CHD5: variants seen among roughly 807,000 people sequenced by gnomAD.
CHD5 encodes the protein chromodomain helicase DNA binding protein 5.
A neutral mutation model predicts 230.3 loss-of-function variants in CHD5; 69 were observed. The ratio of observed to expected loss-of-function variants is 0.30; its 90% CI spans 0.25 to 0.37. The LOEUF is 0.37. Ranked by LOEUF, CHD5 falls within the 10% of genes least tolerant of loss-of-function variation. CHD5 has a pLI of 1.00. For synonymous variants in CHD5, 1,064 were observed against 1,065.9 expected (o/e 1.00, Z 0.03); for missense variants, 1,827 against 2,622.8 (o/e 0.70, Z 6.63).
intron 9 of CHD5, among the ~76,000 whole-genome samples, chr1:6,148,191 G>A (rs1277330832): frequency 1.3e-5 from 2 of 152,184 alleles, no homozygotes; most frequent in African/African-American, 4.8e-5. Context: ...GAGGGGTGGA[G>A]GATCTGGCAC....
intron 15 of CHD5, among the ~76,000 whole-genome samples, chr1:6,141,812 A>G (rs1213071980): frequency 1.3e-5 from 2 of 152,156 alleles, no homozygotes; most frequent in Non-Finnish European, 2.9e-5. Flanking sequence ...GGCTGGAAGG[A>G]GGAAGGAAGG....
chr1:6,151,790 A>AC (rs34938724), intron 6 of CHD5, among the ~76,000 whole-genome samples: 62,259 of 151,768 alleles, frequency 0.41, 14,917 homozygotes, highest in East Asian at 0.67. Context: ...TTCCAACTCC[A>AC]CCCACCGCAG....
In CHD5 at chr1:6,126,567, C is replaced by T. The variant is rs1666562223; in HGVS notation, c.4078+5G>A. On this transcript the variant is annotated splice_donor_5th_base_variant and intron_variant, in intron 26 of 41. Coordinates refer to ENST00000262450, the MANE Select transcript of CHD5 (RefSeq NM_015557.3). The surrounding 1 kb of genome is among the most constrained non-coding windows in gnomAD (Gnocchi z 5.7). ...GGGCACCAGTCCCTCCCTCCCGGCA[C>T]GCACCCTGGTCCTCCTGGGAGGCAT... is the stretch of plus-strand genomic sequence containing the variant. The T allele has an allele frequency of 6.2e-7, 1 of 1,612,344 alleles. No individual in the cohort carries two copies. Among genetic ancestry groups the T allele is most frequent in the Non-Finnish European group, 8.5e-7 (1 of 1,179,974 alleles).
chr1:6,162,738 G>T (rs145388416), intron 2 of CHD5, among the ~76,000 whole-genome samples: 2 of 152,220 alleles, frequency 1.3e-5, no homozygotes, highest in African/African-American at 4.8e-5. Context: ...AGCTGGAGGG[G>T]ACACACCAAG....
intron 7 of CHD5, among the ~76,000 whole-genome samples, chr1:6,150,467 C>A (rs11804734): frequency 1.3e-5 from 1 of 77,298 alleles, no homozygotes; most frequent in Non-Finnish European, 2.7e-5. Flanking sequence ...GATGGATGGA[C>A]GGACGGACGG....
rs746309035 is a variant in CHD5, at chr1:6,149,322, G to A, written c.1085C>T (p.Pro362Leu). The stretch of plus-strand genomic sequence containing the variant: ...CAGGCATACGAGATGGTAGGCCCTC[G>A]GGCAGGTGTCGCACAGGATGATCTC... ...GGEIILCDTC[P>L]RAYHLVCLDP... is the part of the protein sequence containing the mutation. The change falls in exon 8 of 42, where the codon CCG becomes CTG. Residue 362 changes from proline to leucine, a missense_variant. Coordinates refer to ENST00000262450, the MANE Select transcript of CHD5 (RefSeq NM_015557.3). The A allele has an allele frequency of 3.1e-6, 5 of 1,612,870 alleles. No individual in the cohort carries two copies. The highest frequency in any genetic ancestry group is 1.3e-5 in the African/African-American group (1 of 74,636).
intron 38 of CHD5, among the ~76,000 whole-genome samples, chr1:6,107,845 G>A (rs1666217799): frequency 7.0e-6 from 1 of 142,294 alleles, no homozygotes; most frequent in Admixed American, 6.9e-5. Flanking sequence ...GAAGGATAAT[G>A]GAGAGATGGA....
In CHD5 at chr1:6,128,432, C is replaced by CCAGG. The variant is rs1666598259; in HGVS notation, c.3730+66_3730+67insCCTG. Reference sequence around the variant, plus strand: ...GCCCAAGTGAGGGCAGGTCAGGGAACCCCTCCTCTGCAGGAGCAGCCACCT... The same window carrying CCAGG: ...GCCCAAGTGAGGGCAGGTCAGGGAACCAGGCCCTCCTCTGCAGGAGCAGCCACCT... On this transcript the variant is annotated intron_variant, in intron 24 of 41. Transcript: ENST00000262450. This position sits in a 1 kb window ranked among gnomAD's most constrained non-coding sequence, Gnocchi z 7.8. 1 of 1,369,268 alleles carries CCAGG rather than the reference C, an allele frequency of 7.3e-7. No homozygotes were observed. Among genetic ancestry groups the CCAGG allele is most frequent in the Non-Finnish European group, 1.0e-6 (1 of 968,382 alleles). The allele number at this position is 1,369,268 out of a possible 1,614,324, so 84.8% of individuals were successfully genotyped here. A position where few individuals can be genotyped will look rare whatever the true frequency, so the allele number is the denominator to read the frequency against.
chr1:6,164,402 A>G (rs894676669), intron 2 of CHD5, among the ~76,000 whole-genome samples: 4 of 152,224 alleles, frequency 2.6e-5, no homozygotes, highest in Admixed American at 6.5e-5. Context: ...TACAGGTTGA[A>G]ATCATTTCTC....
Position 6,146,091 on chromosome 1 carries a change from T to G in CHD5, c.1802+121A>C. ...TGCCCCTGCTGTGCCCACATGTGGT[T>G]CTGCACGGCAGCCCCAAAGCAAGGG... On this transcript the variant is annotated intron_variant, in intron 11 of 41. Transcript: ENST00000262450. This position sits in a 1 kb window ranked among gnomAD's most constrained non-coding sequence, Gnocchi z 5.1. 1.1e-6 allele frequency: 1 copy of G among 924,138 alleles called. No individual in the cohort carries two copies. The highest frequency in any genetic ancestry group is 2.2e-5 in the Admixed American group (1 of 44,802). 57.2% of individuals were successfully genotyped at this position (924,138 alleles called of 1,614,324 possible).
intron 1 of CHD5, among the ~76,000 whole-genome samples, chr1:6,171,514 C>A (rs376777873): frequency 6.6e-6 from 1 of 151,774 alleles, no homozygotes; most frequent in East Asian, 1.9e-4. Context: ...ACTGCCCCCC[C>A]CAACACCTCA....
At chr1:6,140,985 T>C (rs887066071) in intron 15 of CHD5, among the ~76,000 whole-genome samples, 7 of 146,098 alleles carry the variant, frequency 4.8e-5, no homozygotes, top group African/African-American at 1.8e-4. Flanking sequence ...ATAATAATAA[T>C]AATAATAATA....
chr1:6,174,112 T>G (rs1571176171), intron 1 of CHD5, among the ~76,000 whole-genome samples: 2 of 143,596 alleles, frequency 1.4e-5, no homozygotes, highest in East Asian at 2.1e-4. Flanking sequence ...GACAGAATGG[T>G]GAGAGGGGAA....
At chr1:6,159,269 GGCAAGA>G in intron 3 of CHD5, 61 bp downstream of exon 3, 1 of 1,537,998 alleles carries the variant, frequency 6.5e-7, no homozygotes, top group African/African-American at 1.4e-5. Context: ...AGAACATACA[GGCAAGA>G]GGCTCAGCCC....
At chr1:6,127,465 G>A (rs919459241) in intron 25 of CHD5, among the ~76,000 whole-genome samples, 17 of 151,444 alleles carry the variant, frequency 1.1e-4, no homozygotes, top group African/African-American at 4.1e-4. Flanking sequence ...CAGCCGGGGC[G>A]ACAGAGCGAG....
chr1:6,136,743 C>T lies in CHD5; in HGVS notation c.2559G>A (p.Lys853=). 6.2e-7 allele frequency: 1 copy of T among 1,612,060 alleles called. No individual in the cohort carries two copies. The highest frequency in any genetic ancestry group is 8.5e-7 in the Non-Finnish European group (1 of 1,178,634). ...CGCCACCTACCTTGGACTGGTTGTT[C>T]TTGAGGCGGTGGGCCTCATCTACCA... The part of the protein sequence containing the change: ...CLVVDEAHRL[K]NNQSKFFRVL... The change falls in exon 16 of 42, where the codon AAG becomes AAA. Residue 853 remains lysine (K), a synonymous_variant. Coordinates refer to ENST00000262450, the MANE Select transcript of CHD5 (RefSeq NM_015557.3).
At position 6,124,679 on chromosome 1, in the gene CHD5, G is replaced by GT. The variant is rs1571145857; in HGVS notation, c.4395-19_4395-18insA. The GT allele has an allele frequency of 5.4e-6, 3 of 556,116 alleles. No individual in the cohort carries two copies. The highest frequency in any genetic ancestry group is 3.6e-5 in the South Asian group (2 of 54,842). The allele number at this position is 556,116 out of a possible 1,614,324, so 34.4% of individuals were successfully genotyped here. A position where few individuals can be genotyped will look rare whatever the true frequency, so the allele number is the denominator to read the frequency against. ...CATAGGCTCTGGGGTGGGGGGGGGGGACTGGGGCTCAGGGAGTGGGGGGCC... is the reference window on the plus strand; with the variant it reads ...CATAGGCTCTGGGGTGGGGGGGGGGGTACTGGGGCTCAGGGAGTGGGGGGCC... On this transcript the variant is annotated intron_variant, in intron 29 of 41. Coordinates refer to ENST00000262450, the MANE Select transcript of CHD5 (RefSeq NM_015557.3).
At chr1:6,156,247 G>A (rs1667079393) in intron 3 of CHD5, among the ~76,000 whole-genome samples, 2 of 152,204 alleles carry the variant, frequency 1.3e-5, no homozygotes, top group South Asian at 4.1e-4. Context: ...AAAGACATGA[G>A]GCCTCCAGGC....
chr1:6,160,973 G>C (rs528359698), intron 2 of CHD5, among the ~76,000 whole-genome samples: 6 of 152,336 alleles, frequency 3.9e-5, no homozygotes, highest in Middle Eastern at 3.4e-3. Context: ...ATGATCCCCG[G>C]GGCATGCGGG....
Sources: allele counts gnomAD v4.1 joint callset (sites outside exome capture counted in the v4.1 genomes callset), GRCh38; gene constraint gnomAD v4.1.1; non-coding constraint Gnocchi (gnomAD v3.1); transcripts MANE v1.5; gene names NCBI Gene and HGNC (gene_info 2026-07-23, HGNC 2026-07-21).